Variants in INPP4B observed in about 807,000 individuals in gnomAD.
INPP4B encodes the protein inositol polyphosphate-4-phosphatase type II B, also known as inositol polyphosphate 4-phosphatase type II.
Under a neutral mutation model 122.5 loss-of-function variants are expected in INPP4B, and 55 were observed. The observed-to-expected ratio is 0.45, with a 90% CI of 0.36 to 0.56. The LOEUF is 0.56. Ranked by LOEUF, INPP4B falls within the 20% of genes least tolerant of loss-of-function variation. The pLI is 0.00. For synonymous variants in INPP4B, 403 were observed against 388.7 expected, an observed-to-expected ratio of 1.04 and a Z score of -0.43; for missense variants, 1,000 against 1,097.7, an observed-to-expected ratio of 0.91 and a Z score of 1.26.
chr4:142,491,471 T>A (rs1821862027), intron 2 of INPP4B, among the ~76,000 whole-genome samples: 2 of 152,036 alleles, frequency 1.3e-5, no homozygotes, highest in Non-Finnish European at 2.9e-5. Context: ...CTGACCAACA[T>A]GGTGAAATCC....
intron 2 of INPP4B, among the ~76,000 whole-genome samples, chr4:142,680,621 A>G (rs953682648): frequency 6.6e-6 from 1 of 151,968 alleles, no homozygotes; most frequent in African/African-American, 2.4e-5. Flanking sequence ...CCTGCATGCT[A>G]TTTAGAAGTG....
chr4:142,831,983 T>G (rs1782198278), intron 1 of INPP4B, among the ~76,000 whole-genome samples: 1 of 152,170 alleles, frequency 6.6e-6, no homozygotes, highest in African/African-American at 2.4e-5. Flanking sequence ...AAACAAACCC[T>G]TCCTAAAAAT....
chr4:142,029,758 T>C, intron 25 of INPP4B: 1 of 996,326 alleles, frequency 1.0e-6, no homozygotes, highest in Non-Finnish European at 1.2e-6. Context: ...CTAGAACTTG[T>C]CTCAGGGTTT....
At chr4:142,627,000 T>C (rs553023597) in intron 2 of INPP4B, among the ~76,000 whole-genome samples, 18 of 152,126 alleles carry the variant, frequency 1.2e-4, no homozygotes, top group South Asian at 6.2e-4. Context: ...GGGAGACTTT[T>C]GTAAGAGGCT....
At chr4:142,406,275 T>C (rs1210020888) in intron 5 of INPP4B, among the ~76,000 whole-genome samples, 2 of 152,120 alleles carry the variant, frequency 1.3e-5, no homozygotes, top group Admixed American at 1.3e-4. Context: ...GAAGTAGCCC[T>C]GGGTCCTTGA....
At chr4:142,830,201 A>G (rs892919077) in intron 1 of INPP4B, among the ~76,000 whole-genome samples, 8 of 152,226 alleles carry the variant, frequency 5.3e-5, no homozygotes, top group African/African-American at 1.9e-4. Context: ...AAGATATTTT[A>G]TATTCAAAAA....
At chr4:142,624,108 G>C (rs550765505) in intron 2 of INPP4B, among the ~76,000 whole-genome samples, 97 of 149,956 alleles carry the variant, frequency 6.5e-4, no homozygotes, top group Non-Finnish European at 1.3e-3. Context: ...TGGGTCAAAT[G>C]GTATTTCTAG....
intron 2 of INPP4B, among the ~76,000 whole-genome samples, chr4:142,477,641 T>C (rs1819962837): frequency 6.6e-6 from 1 of 152,062 alleles, no homozygotes; most frequent in Non-Finnish European, 1.5e-5. Flanking sequence ...CAGAGAATAC[T>C]ATGAAAAACT....
chr4:142,047,936 A>ACACTT (rs1324748412), intron 25 of INPP4B, among the ~76,000 whole-genome samples: 1 of 152,096 alleles, frequency 6.6e-6, no homozygotes, highest in Non-Finnish European at 1.5e-5. Flanking sequence ...TTCCAGGATA[A>ACACTT]AGAAGAAAGG....
chr4:142,446,508 A>C (rs1812943207), intron 3 of INPP4B, among the ~76,000 whole-genome samples: 1 of 152,212 alleles, frequency 6.6e-6, no homozygotes, highest in Non-Finnish European at 1.5e-5. Flanking sequence ...AAGTAATTTC[A>C]CTTCTAAGCA....
intron 1 of INPP4B, among the ~76,000 whole-genome samples, chr4:142,814,481 T>C (rs901216482): frequency 2.0e-5 from 3 of 152,170 alleles, no homozygotes; most frequent in African/African-American, 7.2e-5. Context: ...ACTATCTAGT[T>C]CAGTTACCTA....
chr4:142,544,022 T>C (rs1034553700), intron 2 of INPP4B, among the ~76,000 whole-genome samples: 1 of 151,970 alleles, frequency 6.6e-6, no homozygotes, highest in Non-Finnish European at 1.5e-5. Flanking sequence ...GAGGAATATG[T>C]GTGGAAGTTT....
chr4:142,349,357 T>C (rs1781274434), intron 7 of INPP4B, among the ~76,000 whole-genome samples: 2 of 152,164 alleles, frequency 1.3e-5, no homozygotes, highest in East Asian at 1.9e-4. Flanking sequence ...TTCATTTTTG[T>C]CTGTATTGCA....
rs189124589 is a variant in INPP4B, at chr4:142,254,057, G to A, written c.688+6435C>T. Among the ~76,000 whole-genome samples the A allele has an allele frequency of 7.9e-3, 1,197 of 152,098 alleles. 16 individuals carry two copies. The highest frequency in any genetic ancestry group is 0.027 in the African/African-American group (1,109 of 41,508). On this transcript the variant is annotated intron_variant, in intron 11 of 25. Transcript: ENST00000262992. ...AGTGGGTCCCTGACCCCTGACCCCC[G>A]AGCAGCCTAACTGGGAGGCACCCCC...
At chr4:142,267,259 T>G (rs966857195) in intron 10 of INPP4B, among the ~76,000 whole-genome samples, 1 of 152,164 alleles carries the variant, frequency 6.6e-6, no homozygotes, top group East Asian at 1.9e-4. Context: ...AAAGTTATCT[T>G]GAGTAAAGAG....
chr4:142,128,802 A>G (rs1365955345), intron 18 of INPP4B, among the ~76,000 whole-genome samples: 1 of 152,070 alleles, frequency 6.6e-6, no homozygotes, highest in Non-Finnish European at 1.5e-5. Flanking sequence ...TCCACACATC[A>G]TCTATTTCCT....
intron 2 of INPP4B, among the ~76,000 whole-genome samples, chr4:142,721,348 T>C (rs1426038578): frequency 6.6e-6 from 1 of 152,166 alleles, no homozygotes. Flanking sequence ...GCAGAGTATA[T>C]GCTCTTGCAC....
chr4:142,686,136 C>G (rs930779861), intron 2 of INPP4B, among the ~76,000 whole-genome samples: 3 of 151,908 alleles, frequency 2.0e-5, no homozygotes, highest in African/African-American at 7.3e-5. Context: ...CCTATATGAC[C>G]CATAAGAATT....
intron 9 of INPP4B, among the ~76,000 whole-genome samples, chr4:142,296,306 A>T (rs1440816540): frequency 6.6e-6 from 1 of 152,218 alleles, no homozygotes; most frequent in Non-Finnish European, 1.5e-5. Flanking sequence ...TACAGAATAT[A>T]TAACTGCAGA....
Sources: allele counts gnomAD v4.1 joint callset (sites outside exome capture counted in the v4.1 genomes callset), GRCh38; gene constraint gnomAD v4.1.1; transcripts MANE v1.5; gene names NCBI Gene and HGNC (gene_info 2026-07-23, HGNC 2026-07-21).